EPS15: variants seen among roughly 807,000 people sequenced by gnomAD.
EPS15 encodes the protein epidermal growth factor receptor substrate 15.
In EPS15, 72 loss-of-function variants were observed where a neutral mutation model predicts 113.8. The observed-to-expected ratio is 0.63, with a 90% CI of 0.52 to 0.77. The LOEUF is 0.77. Among genes scored for constraint, EPS15 ranks in the 30% least tolerant of loss-of-function variants. The probability of loss-of-function intolerance (pLI) is 0.00; values close to 1 mark genes in which losing one functional copy is unlikely to be tolerated. For synonymous variants in EPS15, 344 were observed against 363.4 expected (o/e 0.95, Z 0.61); for missense variants, 1,048 against 1,045.8 (o/e 1.00, Z -0.03).
intron 2 of EPS15, 35 bp downstream of exon 2, chr1:51,481,238 T>C: frequency 9.1e-7 from 1 of 1,104,644 alleles, no homozygotes; most frequent in Non-Finnish European, 1.4e-6. Context: ...ACATTTAATG[T>C]TCAATCCAGG....
intron 8 of EPS15, 113 bp downstream of exon 8, chr1:51,460,978 C>A: frequency 2.9e-6 from 2 of 693,884 alleles, no homozygotes; most frequent in Non-Finnish European, 4.9e-6. Flanking sequence ...AAAAAGTTCA[C>A]CCAATAATCT....
intron 2 of EPS15, 109 bp from the exon 3 acceptor site, chr1:51,473,057 G>T: frequency 2.5e-6 from 2 of 798,760 alleles, no homozygotes; most frequent in South Asian, 3.0e-5. Flanking sequence ...TGCAAGAAAG[G>T]AATGAGAATC....
chr1:51,366,629 C>T (rs1168578559), intron 21 of EPS15, among the ~76,000 whole-genome samples: 1 of 152,152 alleles, frequency 6.6e-6, no homozygotes, highest in African/African-American at 2.4e-5. Context: ...CTTTGGAACA[C>T]ATTTCAAATA....
chr1:51,392,414 T>C (rs1647475529), intron 21 of EPS15, among the ~76,000 whole-genome samples: 2 of 152,188 alleles, frequency 1.3e-5, no homozygotes. Context: ...ATGATAAATC[T>C]TTGCACCCTC....
intron 21 of EPS15, among the ~76,000 whole-genome samples, chr1:51,393,773 T>C (rs6691285): frequency 0.015 from 2,326 of 152,318 alleles, 18 homozygotes; most frequent in Middle Eastern, 0.031. Context: ...AAAAAGCTTT[T>C]TGTCAGACCT....
intron 1 of EPS15, among the ~76,000 whole-genome samples, chr1:51,489,286 CATATATATAT>C (rs71063034): frequency 1.4e-5 from 2 of 141,736 alleles, no homozygotes; most frequent in African/African-American, 5.3e-5. Flanking sequence ...CCTAGTATAC[CATATATATAT>C]ATATATATAT....
intron 1 of EPS15, among the ~76,000 whole-genome samples, chr1:51,497,238 T>G (rs1021852523): frequency 6.6e-6 from 1 of 152,212 alleles, no homozygotes; most frequent in African/African-American, 2.4e-5. Context: ...CAATGATGAC[T>G]GCCATCACAA....
intron 23 of EPS15, 31 bp from the exon 24 acceptor site, chr1:51,361,386 C>A: frequency 1.3e-6 from 2 of 1,521,722 alleles, no homozygotes; most frequent in South Asian, 1.1e-5. Flanking sequence ...TTAATTCAAC[C>A]AGTAAATACA....
intron 13 of EPS15, among the ~76,000 whole-genome samples, chr1:51,417,705 G>A (rs962588134): frequency 1.3e-5 from 2 of 152,238 alleles, no homozygotes; most frequent in Non-Finnish European, 2.9e-5. Context: ...GGTGGGATAT[G>A]AGCTAGGCTT....
At chr1:51,430,683 C>T (rs976927585) in intron 12 of EPS15, among the ~76,000 whole-genome samples, 4 of 152,056 alleles carry the variant, frequency 2.6e-5, no homozygotes, top group Admixed American at 1.3e-4. Context: ...TTGCCAGGCA[C>T]AGTGGTTCAC....
chr1:51,456,063 T>G (rs1050861693), intron 8 of EPS15, among the ~76,000 whole-genome samples: 1 of 152,154 alleles, frequency 6.6e-6, no homozygotes, highest in African/African-American at 2.4e-5. Context: ...GGGCCATTCA[T>G]CAAAGGTTCA....
intron 13 of EPS15, among the ~76,000 whole-genome samples, chr1:51,420,839 T>C (rs1650684173): frequency 6.6e-6 from 1 of 152,104 alleles, no homozygotes; most frequent in African/African-American, 2.4e-5. Flanking sequence ...ACAGACAATC[T>C]CTAATGAATG....
At chr1:51,446,167 C>T (rs1004146715) in intron 10 of EPS15, among the ~76,000 whole-genome samples, 3 of 152,114 alleles carry the variant, frequency 2.0e-5, no homozygotes, top group African/African-American at 4.8e-5. Context: ...GGTGGATTGG[C>T]GGCAGACAAA....
intron 5 of EPS15, among the ~76,000 whole-genome samples, chr1:51,468,091 T>G (rs1654978945): frequency 6.6e-6 from 1 of 152,078 alleles, no homozygotes; most frequent in African/African-American, 2.4e-5. Flanking sequence ...CCCAAGTAGC[T>G]GGGACCAGAC....
chr1:51,374,953 G>A (rs1213033890), intron 21 of EPS15, among the ~76,000 whole-genome samples: 1 of 150,866 alleles, frequency 6.6e-6, no homozygotes, highest in African/African-American at 2.4e-5. Context: ...TGGAATTACA[G>A]GTGTAAGCCA....
chr1:51,491,943 C>T (rs1426070228), intron 1 of EPS15, among the ~76,000 whole-genome samples: 8 of 151,182 alleles, frequency 5.3e-5, no homozygotes, highest in Non-Finnish European at 7.4e-5. Context: ...CTCCACTCAC[C>T]GCAGCCTCCA....
Position 51,355,645 on chromosome 1 carries a change from TA to T in EPS15, c.*1054del, listed in dbSNP as rs1452566683. On this transcript the variant is annotated 3_prime_UTR_variant, in exon 25 of 25. Transcript: ENST00000371733. ...AAGATGGACAAAAAGCAATATGATATAAAACACATCACTTTTTCTATTTGTA... is the reference window on the plus strand; with the variant it reads ...AAGATGGACAAAAAGCAATATGATATAAACACATCACTTTTTCTATTTGTA... 1.1e-5 allele frequency: 2 copies of T among 189,408 alleles called. No homozygotes were observed. Among genetic ancestry groups the T allele is most frequent in the Non-Finnish European group, 2.2e-5 (2 of 90,510 alleles). 11.7% of individuals were successfully genotyped at this position (189,408 alleles called of 1,614,324 possible). A position where few individuals can be genotyped will look rare whatever the true frequency, so the allele number is the denominator to read the frequency against.
intron 9 of EPS15, 31 bp downstream of exon 9, chr1:51,448,015 G>C (rs1328345875): frequency 6.2e-7 from 1 of 1,606,486 alleles, no homozygotes; most frequent in South Asian, 1.1e-5. Context: ...GCTGAAGAGG[G>C]GATCAACCGC....
intron 20 of EPS15, among the ~76,000 whole-genome samples, chr1:51,398,470 T>G (rs1557800214): frequency 6.6e-6 from 1 of 152,156 alleles, no homozygotes; most frequent in Admixed American, 6.5e-5. Context: ...AACACCTACT[T>G]TGCAAAATTG....
Sources: allele counts gnomAD v4.1 joint callset (sites outside exome capture counted in the v4.1 genomes callset), GRCh38; gene constraint gnomAD v4.1.1; transcripts MANE v1.5; gene names NCBI Gene and HGNC (gene_info 2026-07-23, HGNC 2026-07-21).